Variants in ENTPD6 observed in about 807,000 individuals in gnomAD.
ENTPD6 encodes CD39 antigen-like 2.
A neutral mutation model predicts 61.5 loss-of-function variants in ENTPD6; 46 were observed. The ratio of observed to expected loss-of-function variants is 0.75; its 90% confidence interval spans 0.59 to 0.96. The LOEUF is 0.96. Ranked by LOEUF, ENTPD6 falls within the 40% of genes least tolerant of loss-of-function variation. The probability of loss-of-function intolerance (pLI) is 0.00; values close to 1 mark genes in which losing one functional copy is unlikely to be tolerated. For synonymous variants in ENTPD6, 252 were observed against 255.5 expected, an observed-to-expected ratio of 0.99 and a Z score of 0.13; for missense variants, 612 against 629.0, an observed-to-expected ratio of 0.97 and a Z score of 0.29.
rs2123462646 is a variant in ENTPD6 at position 25,227,707 on chromosome 20, A to T, written c.*2110A>T. 6.6e-6 allele frequency among the ~76,000 whole-genome samples: 1 copy of T among 152,276 alleles called. No homozygotes were observed. Among genetic ancestry groups the T allele is most frequent in the Non-Finnish European group, 1.5e-5 (1 of 68,026 alleles). ...GCCCGCGTACCCCACATCACTTAGC[A>T]CCCATTGCTGCCCACTGAGCTGCCT... On this transcript the variant is annotated 3_prime_UTR_variant, in exon 15 of 15. Transcript: ENST00000376652.
chr20:25,202,423 T>C (rs569082858), intron 1 of ENTPD6, among the ~76,000 whole-genome samples: 5 of 152,340 alleles, frequency 3.3e-5, no homozygotes, highest in Admixed American at 3.3e-4. Context: ...GTTTTTGATG[T>C]TTTGTTATTT....
intron 4 of ENTPD6, 121 bp from the exon 5 acceptor site, chr20:25,213,142 C>T: frequency 8.7e-7 from 1 of 1,150,832 alleles, no homozygotes; most frequent in Non-Finnish European, 1.3e-6. Flanking sequence ...TCACTCTAGC[C>T]TGGGCAACAC....
intron 1 of ENTPD6, 64 bp downstream of exon 1, chr20:25,195,931 C>T (rs920320548): frequency 1.8e-5 from 21 of 1,188,694 alleles, no homozygotes; most frequent in Admixed American, 4.2e-5. Context: ...GCGGGCCTCC[C>T]CCACGCGGGC....
Position 25,216,729 on chromosome 20 carries a change from G to T in ENTPD6, c.791G>T (p.Arg264Leu). ...GGSTQIAFLP[R>L]VEGTLQASPP... ...TCCACTCAGATCGCCTTCCTGCCAC[G>T]CGTGGAGGTAACAAGCCCTGCCGAC... The change falls in exon 8 of 15, where the codon CGC (arginine) becomes CTC (leucine). Residue 264 changes from arginine to leucine, a missense_variant. By Grantham distance (102) the Arg-to-Leu change is moderately radical. Transcript: ENST00000376652. 2 of 1,594,876 alleles carry T rather than the reference G, an allele frequency of 1.3e-6. No individual in the cohort carries two copies. The highest frequency in any genetic ancestry group is 1.7e-6 in the Non-Finnish European group (2 of 1,170,828).
chr20:25,219,245 A>G (rs2092516898), intron 10 of ENTPD6, among the ~76,000 whole-genome samples: 1 of 152,192 alleles, frequency 6.6e-6, no homozygotes, highest in African/African-American at 2.4e-5. Context: ...AACTGAGGGA[A>G]CCAGGGAACT....
rs1270375606 is a variant in ENTPD6 at position 25,227,917 on chromosome 20, G to A, written c.*2320G>A. 6.6e-6 allele frequency among the ~76,000 whole-genome samples: 1 copy of A among 152,210 alleles called. No homozygotes were observed. The highest frequency in any genetic ancestry group is 1.5e-5 in the Non-Finnish European group (1 of 68,046). The stretch of plus-strand genomic sequence containing the variant: ...TGGCAGATTTAAAAAAATGATAACT[G>A]GTAGTTTTAATATGCATGGATCTAA... On this transcript the variant is annotated 3_prime_UTR_variant, in exon 15 of 15. Coordinates refer to ENST00000376652, the MANE Select transcript of ENTPD6 (RefSeq NM_001247.5).
At chr20:25,211,670 C>T (rs67459375) in intron 4 of ENTPD6, among the ~76,000 whole-genome samples, 42,170 of 152,166 alleles carry the variant, frequency 0.28, 6,625 homozygotes, top group East Asian at 0.61. Context: ...ATGGATGCTG[C>T]ACACTTACCT....
In ENTPD6 at chr20:25,224,117, C is replaced by T. The variant is rs140018216; in HGVS notation, c.1203C>T (p.Gly401=). The change falls in exon 13 of 15, where the codon GGC becomes GGT. Residue 401 remains glycine (G), a synonymous_variant. Coordinates refer to ENST00000376652, the MANE Select transcript of ENTPD6 (RefSeq NM_001247.5). The part of the protein sequence containing the change: ...GVGLIDAEKG[G]SLVVGDFEIA... ...CTCCCACAGATGCGGAGAAGGGAGGCAGCCTGGTGGTGGGGGACTTCGAGA... is the reference window on the plus strand; with the variant it reads ...CTCCCACAGATGCGGAGAAGGGAGGTAGCCTGGTGGTGGGGGACTTCGAGA... 2.0e-5 allele frequency: 32 copies of T among 1,612,356 alleles called. No homozygotes were observed. In the African/African-American group the frequency reaches 3.9e-4, roughly 19 times the overall value.
chr20:25,203,539 C>G (rs2091215605), intron 1 of ENTPD6, among the ~76,000 whole-genome samples: 1 of 152,234 alleles, frequency 6.6e-6, no homozygotes, highest in African/African-American at 2.4e-5. Flanking sequence ...TCAAATCCCT[C>G]TGGTCAGAGT....
chr20:25,223,025 GGC>G, intron 12 of ENTPD6, 47 bp downstream of exon 12: 1 of 1,513,520 alleles, frequency 6.6e-7, no homozygotes, highest in Non-Finnish European at 9.0e-7. Context: ...GGCGGCAGGG[GGC>G]GGGGGTGGAG....
rs575865666 is a variant in ENTPD6 at position 25,195,846 on chromosome 20, G to A, written c.-37G>A. ...GAAAAGGGCACTCGTCTCCGTGGGTGTGGCGGAGCGCGCGGTGCATGGTAA... is the reference window on the plus strand; with the variant it reads ...GAAAAGGGCACTCGTCTCCGTGGGTATGGCGGAGCGCGCGGTGCATGGTAA... On this transcript the variant is annotated 5_prime_UTR_variant, in exon 1 of 15. It adds an upstream start codon to the 5' untranslated region. Transcript: ENST00000376652. The A allele has an allele frequency of 9.7e-6, 12 of 1,238,528 alleles. No homozygotes were observed. The African/African-American group carries it at 1.6e-4, about 16-fold the overall frequency. The allele number at this position is 1,238,528 out of a possible 1,614,324, so 76.7% of individuals were successfully genotyped here.
chr20:25,208,961 G>A (rs948968476), intron 3 of ENTPD6, among the ~76,000 whole-genome samples: 3 of 151,868 alleles, frequency 2.0e-5, no homozygotes, highest in Non-Finnish European at 4.4e-5. Flanking sequence ...CTGCTGCCCA[G>A]GCTGGAGTAC....
chr20:25,213,113 G>T, intron 4 of ENTPD6, 150 bp from the exon 5 acceptor site: 1 of 801,064 alleles, frequency 1.2e-6, no homozygotes, highest in East Asian at 2.7e-5. Flanking sequence ...GGCTGCAAAT[G>T]AGCTGTGATC....
At position 25,221,109 on chromosome 20, in the gene ENTPD6, C is replaced by G. The variant is rs756775286; in HGVS notation, c.944-123C>G. ...AGGGAGGTGTTGCCTTCCCAGTGGA[C>G]CTGGAAGCCACTCAGCTTCCCCCAT... is the stretch of plus-strand genomic sequence containing the variant. On this transcript the variant is annotated intron_variant, in intron 10 of 14. Transcript: ENST00000376652. 43 of 693,806 alleles carry G rather than the reference C, an allele frequency of 6.2e-5. No homozygotes were observed. In the Admixed American group the frequency reaches 1.1e-3, roughly 19 times the overall value. 43.0% of individuals were successfully genotyped at this position (693,806 alleles called of 1,614,324 possible).
chr20:25,209,171 G>A (rs1395991140), intron 3 of ENTPD6, among the ~76,000 whole-genome samples: 1 of 150,530 alleles, frequency 6.6e-6, no homozygotes, highest in African/African-American at 2.5e-5. Context: ...GTGCAGTGGT[G>A]CAATCTCCGC....
intron 13 of ENTPD6, 48 bp downstream of exon 13, chr20:25,224,205 A>G (rs1162406506): frequency 1.3e-6 from 2 of 1,564,244 alleles, no homozygotes; most frequent in African/African-American, 2.7e-5. Context: ...GCGCCCCGTG[A>G]TGCTCGTGAC....
At chr20:25,224,286 C>A in intron 13 of ENTPD6, 129 bp downstream of exon 13, 1 of 737,244 alleles carries the variant, frequency 1.4e-6, no homozygotes, top group Non-Finnish European at 2.1e-6. Context: ...GGCCTCGGCC[C>A]CAGCTGAGAA....
Position 25,207,411 on chromosome 20 carries a change from A to G in ENTPD6, c.376+14A>G, listed in dbSNP as rs2091596075. On this transcript the variant is annotated intron_variant, in intron 3 of 14. Transcript: ENST00000376652. ...GGCCCCCCAGAGGTACCCGCCTCTC[A>G]TGGCAGGGCTCTCGGGATCTCCTCC... The G allele has an allele frequency of 1.3e-5, 19 of 1,514,556 alleles. No individual in the cohort carries two copies. Among genetic ancestry groups the G allele is most frequent in the South Asian group, 2.6e-5 (2 of 76,610 alleles). The allele number at this position is 1,514,556 out of a possible 1,614,324, so 93.8% of individuals were successfully genotyped here. A position where few individuals can be genotyped will look rare whatever the true frequency, so the allele number is the denominator to read the frequency against.
At chr20:25,218,729 G>A in intron 10 of ENTPD6, 115 bp downstream of exon 10, 1 of 1,073,032 alleles carries the variant, frequency 9.3e-7, no homozygotes, top group Non-Finnish European at 1.3e-6. Flanking sequence ...AGGTCCCTCT[G>A]CCCCTCCCAC....
Sources: gnomAD v4.1 joint callset for allele counts (sites outside exome capture counted in the v4.1 genomes callset) on GRCh38, gnomAD v4.1.1 for gene constraint, MANE v1.5 for transcripts, NCBI Gene and HGNC (gene_info 2026-07-23, HGNC 2026-07-21) for gene names.